CTNNA3: variants seen among roughly 807,000 people sequenced by gnomAD.
CTNNA3 encodes the protein catenin alpha 3.
Under a neutral mutation model 95.7 loss-of-function variants are expected in CTNNA3, and 76 were observed. The ratio of observed to expected loss-of-function variants is 0.79; its 90% CI spans 0.66 to 0.96. The LOEUF is 0.96. Ranked by LOEUF, CTNNA3 falls within the 40% of genes least tolerant of loss-of-function variation. The pLI is 0.00. For synonymous variants in CTNNA3, 431 were observed against 374.4 expected (o/e 1.15, Z -1.74); for missense variants, 1,191 against 1,089.8 (o/e 1.09, Z -1.31).
chr10:66,042,737 T>C (rs953625354), intron 15 of CTNNA3, among the ~76,000 whole-genome samples: 9 of 150,146 alleles, frequency 6.0e-5, no homozygotes, highest in African/African-American at 1.7e-4. Context: ...TTGTCTCTAG[T>C]AGAAATAAAA....
chr10:67,726,493 C>CAATGTAT (rs1564841210), intron 1 of CTNNA3, among the ~76,000 whole-genome samples: 3 of 44,352 alleles, frequency 6.8e-5, no homozygotes, highest in African/African-American at 3.2e-4. Context: ...ATATCATATA[C>CAATGTAT]AATATATAAT....
intron 13 of CTNNA3, among the ~76,000 whole-genome samples, chr10:66,116,136 T>C (rs1034364458): frequency 1.3e-5 from 2 of 152,232 alleles, no homozygotes; most frequent in Non-Finnish European, 2.9e-5. Context: ...AAAAGGCCTA[T>C]TTGTAGAGGC....
intron 11 of CTNNA3, among the ~76,000 whole-genome samples, chr10:66,388,200 A>G (rs1461018225): frequency 6.6e-6 from 1 of 152,130 alleles, no homozygotes; most frequent in Non-Finnish European, 1.5e-5. Context: ...CTCTGTATTC[A>G]CTAAGGTGTT....
chr10:67,237,417 T>A (rs1174912217), intron 5 of CTNNA3, among the ~76,000 whole-genome samples: 2 of 151,318 alleles, frequency 1.3e-5, no homozygotes, highest in East Asian at 3.9e-4. Flanking sequence ...GATAAAAGAC[T>A]ATAAATATGG....
chr10:66,649,484 C>G (rs1191872414), intron 9 of CTNNA3, among the ~76,000 whole-genome samples: 1 of 152,140 alleles, frequency 6.6e-6, no homozygotes, highest in African/African-American at 2.4e-5. Context: ...AGCACGGACA[C>G]AGACAGCAGC....
At chr10:66,364,165 A>G (rs1437842177) in intron 12 of CTNNA3, among the ~76,000 whole-genome samples, 1 of 150,314 alleles carries the variant, frequency 6.7e-6, no homozygotes. Context: ...TGTTCTTGTT[A>G]TATATATATA....
At chr10:66,436,518 TTTTTTTTTG>T (rs1442712669) in intron 11 of CTNNA3, among the ~76,000 whole-genome samples, 28 of 138,744 alleles carry the variant, frequency 2.0e-4, no homozygotes, top group African/African-American at 7.4e-4. Flanking sequence ...TTTTTTTTTT[TTTTTTTTTG>T]CTTTCTATTT....
chr10:66,257,398 T>C (rs1055684464), intron 13 of CTNNA3, among the ~76,000 whole-genome samples: 4 of 152,196 alleles, frequency 2.6e-5, no homozygotes, highest in African/African-American at 9.7e-5. Flanking sequence ...GGCTATTCCT[T>C]TCCTCATTCC....
intron 11 of CTNNA3, among the ~76,000 whole-genome samples, chr10:66,425,086 C>A (rs1187041166): frequency 7.0e-6 from 1 of 142,998 alleles, no homozygotes; most frequent in Non-Finnish European, 1.5e-5. Flanking sequence ...GTGGATTGTT[C>A]TTTTTATGAA....
intron 7 of CTNNA3, among the ~76,000 whole-genome samples, chr10:66,794,363 G>C (rs1841106855): frequency 6.6e-6 from 1 of 152,028 alleles, no homozygotes; most frequent in African/African-American, 2.4e-5. Context: ...TGGGTTTTTT[G>C]GTTTCTCAAT....
At chr10:67,246,520 G>A (rs1172500903) in intron 5 of CTNNA3, among the ~76,000 whole-genome samples, 1 of 152,100 alleles carries the variant, frequency 6.6e-6, no homozygotes, top group South Asian at 2.1e-4. Context: ...GAGCCCTTGG[G>A]TTCCTTTATT....
At chr10:67,082,811 T>C (rs894959184) in intron 7 of CTNNA3, among the ~76,000 whole-genome samples, 1 of 152,176 alleles carries the variant, frequency 6.6e-6, no homozygotes, top group Non-Finnish European at 1.5e-5. Flanking sequence ...GTCATGAAAC[T>C]GATTGGAGGC....
intron 17 of CTNNA3, among the ~76,000 whole-genome samples, chr10:65,929,740 T>C (rs913500214): frequency 6.6e-5 from 10 of 152,030 alleles, no homozygotes; most frequent in African/African-American, 2.4e-4. Context: ...TGCTAATTTT[T>C]GTATTTTTAG....
At chr10:66,589,288 G>A (rs1238983864) in intron 10 of CTNNA3, among the ~76,000 whole-genome samples, 2 of 151,894 alleles carry the variant, frequency 1.3e-5, no homozygotes, top group East Asian at 3.9e-4. Context: ...AAAAAAGAAA[G>A]AGGGATGAAA....
intron 5 of CTNNA3, among the ~76,000 whole-genome samples, chr10:67,254,628 C>A (rs1479939256): frequency 6.6e-6 from 1 of 152,186 alleles, no homozygotes; most frequent in Non-Finnish European, 1.5e-5. Flanking sequence ...TAGTCAACGA[C>A]AAACCACATA....
chr10:67,683,982 G>C (rs571845424), intron 1 of CTNNA3, among the ~76,000 whole-genome samples: 1 of 152,250 alleles, frequency 6.6e-6, no homozygotes, highest in African/African-American at 2.4e-5. Context: ...AACCCAAAGA[G>C]TGAGCAACAG....
chr10:67,153,511 A>C (rs540025068), intron 7 of CTNNA3, among the ~76,000 whole-genome samples: 22 of 152,356 alleles, frequency 1.4e-4, no homozygotes, highest in African/African-American at 4.8e-4. Flanking sequence ...GAATTTCAGA[A>C]AGGTTGTGAA....
intron 7 of CTNNA3, among the ~76,000 whole-genome samples, chr10:66,955,805 T>C (rs1287163103): frequency 1.3e-5 from 2 of 152,180 alleles, no homozygotes; most frequent in Non-Finnish European, 2.9e-5. Flanking sequence ...ATTCTCCTAG[T>C]ATTTCTGCCT....
chr10:66,011,287 CTTCTCT>C (rs967315194), intron 15 of CTNNA3, among the ~76,000 whole-genome samples: 5 of 151,952 alleles, frequency 3.3e-5, no homozygotes, highest in African/African-American at 1.2e-4. Flanking sequence ...TATATTTTAT[CTTCTCT>C]TTCTCTTTCT....
Sources: allele counts gnomAD v4.1 joint callset (sites outside exome capture counted in the v4.1 genomes callset), GRCh38; gene constraint gnomAD v4.1.1; transcripts MANE v1.5; gene names NCBI Gene and HGNC (gene_info 2026-07-23, HGNC 2026-07-21).